Variants in GABRA5 observed in about 807,000 individuals in gnomAD.
GABRA5 encodes the protein gamma-aminobutyric acid receptor subunit alpha-5.
In GABRA5, 18 loss-of-function variants were observed where a neutral mutation model predicts 47.3. That is an observed-to-expected ratio of 0.38 (90% CI 0.26 to 0.56). GABRA5 has a LOEUF of 0.56. Among genes scored for constraint, GABRA5 ranks in the 20% least tolerant of loss-of-function variants. GABRA5 has a pLI of 0.71. For missense variants in GABRA5, 365 were observed against 599.3 expected, an observed-to-expected ratio of 0.61 and a Z score of 4.08; for synonymous variants, 237 against 229.3, an observed-to-expected ratio of 1.03 and a Z score of -0.30.
At chr15:26,884,726 G>T (rs1016180828) in intron 6 of GABRA5, among the ~76,000 whole-genome samples, 2 of 152,142 alleles carry the variant, frequency 1.3e-5, no homozygotes, top group African/African-American at 4.8e-5. Context: ...AGCTTTTAAA[G>T]AACTAAATTT....
chr15:26,883,436 A>G lies in GABRA5; in HGVS notation c.376A>G (p.Ser126Gly), dbSNP rs749042436. Reference protein sequence around the residue: ...QRLPLNNLLASKIWTPDTFFH... With the variant: ...QRLPLNNLLAGKIWTPDTFFH... ...CCTCCCTCTCAACAACCTCCTTGCCAGCAAGATCTGGACCCCAGACACGTT... is the reference window on the plus strand; with the variant it reads ...CCTCCCTCTCAACAACCTCCTTGCCGGCAAGATCTGGACCCCAGACACGTT... The change falls in exon 6 of 11, where the codon AGC becomes GGC. Residue 126 changes from serine (S) to glycine (G), a missense_variant. By Grantham distance (56) the Ser-to-Gly change is moderately conservative (BLOSUM62 0). Transcript: ENST00000335625. The surrounding 1 kb of genome is among the most constrained non-coding windows in gnomAD (Gnocchi z 4.8). 1.2e-6 allele frequency: 2 copies of G among 1,614,180 alleles called. No individual in the cohort carries two copies. The highest frequency in any genetic ancestry group is 2.2e-5 in the South Asian group (2 of 91,086).
In GABRA5 at chr15:26,905,672, T is replaced by G. The variant is rs141617840; in HGVS notation, c.498-9131T>G. The stretch of plus-strand genomic sequence containing the variant: ...TTAGACTCTGTTCATTTTTCTTCAT[T>G]TTTTTTCTTTCTGCTCCTCAGAATG... On this transcript the variant is annotated intron_variant, in intron 6 of 10. Transcript: ENST00000335625. Among the ~76,000 whole-genome samples the G allele has an allele frequency of 7.8e-4, 110 of 140,470 alleles. 1 individual carries two copies. The East Asian group carries it at 0.017, about 22-fold the overall frequency. The allele number at this position is 140,470 out of a possible 152,430, so 92.2% of individuals were successfully genotyped here.
chr15:26,937,343 C>T lies in GABRA5; in HGVS notation c.724+15C>T, dbSNP rs565133391. ...CACCAGCACAGGTGAGGGCTCGGCA[C>T]GCGCTGTGCTGCCAGGCGCACTCAG... On this transcript the variant is annotated intron_variant, in intron 8 of 10. Transcript: ENST00000335625. 3.6e-5 allele frequency: 58 copies of T among 1,592,564 alleles called. No homozygotes were observed. The highest frequency in any genetic ancestry group is 1.7e-4 in the Middle Eastern group (1 of 5,902).
intron 6 of GABRA5, among the ~76,000 whole-genome samples, chr15:26,889,874 C>T (rs572823761): frequency 5.3e-5 from 8 of 152,252 alleles, no homozygotes; most frequent in South Asian, 4.1e-4. Flanking sequence ...TGTGTCCCTG[C>T]GTGTAGACAT....
chr15:26,877,355 C>G (rs1424650587), intron 3 of GABRA5, among the ~76,000 whole-genome samples: 1 of 152,130 alleles, frequency 6.6e-6, no homozygotes, highest in Non-Finnish European at 1.5e-5. Flanking sequence ...GAAAACATCA[C>G]ACAATGGTGC....
At chr15:26,898,393 T>C (rs952174478) in intron 6 of GABRA5, among the ~76,000 whole-genome samples, 1 of 152,194 alleles carries the variant, frequency 6.6e-6, no homozygotes, top group African/African-American at 2.4e-5. Context: ...ACCCTTTCTC[T>C]CCACTCCCCA....
At chr15:26,888,109 G>C (rs1386921704) in intron 6 of GABRA5, among the ~76,000 whole-genome samples, 3 of 152,192 alleles carry the variant, frequency 2.0e-5, no homozygotes, top group Non-Finnish European at 4.4e-5. Flanking sequence ...AATGTATGCT[G>C]TTTGCTCCCC....
chr15:26,906,878 A>G (rs1378821390), intron 6 of GABRA5, among the ~76,000 whole-genome samples: 1 of 152,246 alleles, frequency 6.6e-6, no homozygotes, highest in East Asian at 1.9e-4. Flanking sequence ...ATGTTAATCA[A>G]AATAGATCAA....
intron 3 of GABRA5, among the ~76,000 whole-genome samples, chr15:26,879,741 G>A (rs1408236468): frequency 6.6e-6 from 1 of 152,054 alleles, no homozygotes; most frequent in African/African-American, 2.4e-5. Context: ...CTCCATGGCT[G>A]GTGGCTCTCA....
At chr15:26,906,968 A>G (rs954246083) in intron 6 of GABRA5, among the ~76,000 whole-genome samples, 1 of 152,204 alleles carries the variant, frequency 6.6e-6, no homozygotes. Context: ...CCCAACATAA[A>G]TAGGAATTGC....
At chr15:26,915,249 C>G (rs1893692896) in intron 7 of GABRA5, among the ~76,000 whole-genome samples, 1 of 152,172 alleles carries the variant, frequency 6.6e-6, no homozygotes. Context: ...AGTACTCAGC[C>G]AGTGATATTT....
intron 7 of GABRA5, among the ~76,000 whole-genome samples, chr15:26,930,076 A>G (rs565758165): frequency 7.5e-5 from 11 of 147,366 alleles, no homozygotes; most frequent in Admixed American, 2.7e-4. Context: ...ATGGAGTGCA[A>G]TGGCACGATC....
Position 26,948,011 on chromosome 15 carries a change from G to C in GABRA5, c.1167G>C (p.Pro389=). ...TGKMSHPPNI[P]KEQTPAGTSN... is the part of the protein sequence containing the mutation. The stretch of plus-strand genomic sequence containing the variant: ...AGATGTCTCACCCCCCAAACATTCC[G>C]AAGGAACAGACCCCAGCAGGGACGT... Residue 389 remains proline (P), a synonymous_variant, in exon 11 of 11, where the codon CCG becomes CCC. Transcript: ENST00000335625. The C allele has an allele frequency of 6.2e-7, 1 of 1,602,118 alleles. No homozygotes were observed. The highest frequency in any genetic ancestry group is 8.5e-7 in the Non-Finnish European group (1 of 1,173,848).
intron 6 of GABRA5, among the ~76,000 whole-genome samples, chr15:26,892,172 A>G (rs1250068985): frequency 6.6e-6 from 1 of 152,206 alleles, no homozygotes; most frequent in African/African-American, 2.4e-5. Context: ...TGTGGTCTTC[A>G]CTCCTATGAT....
intron 6 of GABRA5, among the ~76,000 whole-genome samples, chr15:26,901,954 G>A (rs1893338061): frequency 6.6e-6 from 1 of 151,814 alleles, no homozygotes; most frequent in Non-Finnish European, 1.5e-5. Context: ...AATATCAGTT[G>A]GCTGTATTTT....
At chr15:26,915,975 A>T (rs1595420809) in intron 7 of GABRA5, among the ~76,000 whole-genome samples, 1 of 152,200 alleles carries the variant, frequency 6.6e-6, no homozygotes, top group Admixed American at 6.5e-5. Context: ...CATTATATTT[A>T]TAGCTTCTTG....
chr15:26,899,404 T>G (rs535959116), intron 6 of GABRA5, among the ~76,000 whole-genome samples: 16 of 152,366 alleles, frequency 1.1e-4, no homozygotes, highest in African/African-American at 3.8e-4. Flanking sequence ...GAGAAGAATG[T>G]GTATTCTGCT....
intron 6 of GABRA5, among the ~76,000 whole-genome samples, chr15:26,911,177 T>TAA (rs906970145): frequency 6.7e-6 from 1 of 150,044 alleles, no homozygotes; most frequent in African/African-American, 2.5e-5. Flanking sequence ...TTTAGAATTC[T>TAA]AAGGGGCTCT....
intron 6 of GABRA5, among the ~76,000 whole-genome samples, chr15:26,912,908 T>C (rs1196954159): frequency 6.6e-6 from 1 of 152,222 alleles, no homozygotes; most frequent in African/African-American, 2.4e-5. Context: ...CCCAGCCAGA[T>C]GCAGTGGCTC....
Sources: gnomAD v4.1 joint callset for allele counts (sites outside exome capture counted in the v4.1 genomes callset) on GRCh38, gnomAD v4.1.1 for gene constraint, Gnocchi (gnomAD v3.1) non-coding constraint, MANE v1.5 for transcripts, NCBI Gene and HGNC (gene_info 2026-07-23, HGNC 2026-07-21) for gene names.